TENM3: variants seen among roughly 807,000 people sequenced by gnomAD.
TENM3 encodes teneurin-3.
Under a neutral mutation model 255.1 loss-of-function variants are expected in TENM3, and 63 were observed. The observed-to-expected ratio is 0.25, with a 90% CI of 0.20 to 0.30. The LOEUF is 0.30. Among genes scored for constraint, TENM3 ranks in the 10% least tolerant of loss-of-function variants. The pLI, the probability that TENM3 is intolerant of heterozygous loss-of-function variation, is 1.00. For synonymous variants in TENM3, 1,306 were observed against 1,322.3 expected (o/e 0.99, Z 0.27); for missense variants, 2,929 against 3,461.1 (o/e 0.85, Z 3.86).
chr4:182,347,396 G>T (rs963046027), intron 3 of TENM3, among the ~76,000 whole-genome samples: 1 of 152,136 alleles, frequency 6.6e-6, no homozygotes, highest in Admixed American at 6.5e-5. Context: ...GAGTGAGCAC[G>T]CAGAATAGTT....
At chr4:181,937,081 TAAG>T in the TENM3 span, among the ~76,000 whole-genome samples, 39 of 152,194 alleles carry the variant, frequency 2.6e-4, no homozygotes, top group East Asian at 7.5e-3. Context: ...ATCTGCAGGA[TAAG>T]AAGGAGGTGG....
intron 1 of TENM3, among the ~76,000 whole-genome samples, chr4:182,296,926 C>T (rs1336041907): frequency 1.3e-5 from 2 of 152,036 alleles, no homozygotes; most frequent in African/African-American, 4.8e-5. Context: ...ACATAGATTT[C>T]CATTGATTCG....
intron 3 of TENM3, among the ~76,000 whole-genome samples, chr4:182,583,843 G>A (rs1316082879): frequency 1.3e-5 from 2 of 152,170 alleles, no homozygotes; most frequent in Non-Finnish European, 2.9e-5. Flanking sequence ...TTACTAGGCA[G>A]ATAATGTACA....
intron 1 of TENM3, among the ~76,000 whole-genome samples, chr4:182,277,835 A>T (rs1760106193): frequency 6.6e-6 from 1 of 152,226 alleles, no homozygotes; most frequent in South Asian, 2.1e-4. Context: ...TAAGCACCTG[A>T]GGAAATTTTT....
At chr4:182,121,890 T>C in the TENM3 span, among the ~76,000 whole-genome samples, 160 of 152,344 alleles carry the variant, frequency 1.1e-3, 1 homozygote, top group African/African-American at 3.7e-3. Flanking sequence ...TGCTATTTGA[T>C]AGCATTTTAC....
At chr4:181,536,225 T>C in the TENM3 span, among the ~76,000 whole-genome samples, 2 of 152,226 alleles carry the variant, frequency 1.3e-5, no homozygotes, top group African/African-American at 2.4e-5. Flanking sequence ...TGCCCATTTT[T>C]CCACATTTGG....
At chr4:182,385,288 G>A (rs1201980563) in intron 3 of TENM3, among the ~76,000 whole-genome samples, 4 of 111,876 alleles carry the variant, frequency 3.6e-5, no homozygotes, top group Admixed American at 2.4e-4. Context: ...TTTTTGAGAC[G>A]GCGTCTCGCT....
chr4:182,477,394 C>CT (rs1331802687), intron 3 of TENM3, among the ~76,000 whole-genome samples: 5 of 152,182 alleles, frequency 3.3e-5, no homozygotes, highest in Admixed American at 3.3e-4. Flanking sequence ...CTGCAAGACC[C>CT]TGGCAGCCTT....
chr4:182,303,081 T>C (rs1348791252), intron 1 of TENM3, among the ~76,000 whole-genome samples: 1 of 152,152 alleles, frequency 6.6e-6, no homozygotes, highest in African/African-American at 2.4e-5. Flanking sequence ...GTTATGGGAA[T>C]TGCGGCATTC....
At chr4:181,484,881 T>A in the TENM3 span, among the ~76,000 whole-genome samples, 2 of 152,320 alleles carry the variant, frequency 1.3e-5, no homozygotes, top group South Asian at 4.1e-4. Flanking sequence ...CCTACCTCTG[T>A]TAAATATTGA....
At chr4:181,721,563 G>C in the TENM3 span, among the ~76,000 whole-genome samples, 1 of 22,406 alleles carries the variant, frequency 4.5e-5, no homozygotes, top group African/African-American at 1.2e-4. Context: ...TCGCGCCACT[G>C]CACTCCAGCC....
At chr4:181,575,639 T>A in the TENM3 span, among the ~76,000 whole-genome samples, 1 of 152,214 alleles carries the variant, frequency 6.6e-6, no homozygotes, top group Non-Finnish European at 1.5e-5. Context: ...AAGAGCAAAT[T>A]TTTTTCATAT....
the TENM3 span, chr4:181,523,140 C>A: frequency 2.6e-6 from 1 of 383,164 alleles, no homozygotes; most frequent in East Asian, 5.6e-5. Flanking sequence ...ACTAGTGAAG[C>A]CTGTACTCAA....
the TENM3 span, among the ~76,000 whole-genome samples, chr4:182,122,337 A>C: frequency 6.6e-6 from 1 of 152,196 alleles, no homozygotes; most frequent in Non-Finnish European, 1.5e-5. Context: ...TTTTCAACTG[A>C]CTTTGTCCAG....
chr4:181,911,714 T>C, the TENM3 span, among the ~76,000 whole-genome samples: 63 of 152,216 alleles, frequency 4.1e-4, no homozygotes, highest in African/African-American at 1.4e-3. Context: ...TTGCTGAGTC[T>C]AATATCCTTA....
chr4:182,417,241 G>A (rs1393183589), intron 3 of TENM3, among the ~76,000 whole-genome samples: 1 of 152,066 alleles, frequency 6.6e-6, no homozygotes, highest in African/African-American at 2.4e-5. Flanking sequence ...CTCCCATAGT[G>A]CTGGGATTAC....
chr4:181,467,600 A>G, the TENM3 span, among the ~76,000 whole-genome samples: 2,560 of 152,154 alleles, frequency 0.017, 75 homozygotes, highest in African/African-American at 0.057. Context: ...GTTGCAAAGT[A>G]TATTTCTAGA....
At chr4:182,149,957 T>C (rs1480334532) in intron 1 of TENM3, among the ~76,000 whole-genome samples, 1 of 152,098 alleles carries the variant, frequency 6.6e-6, no homozygotes, top group African/African-American at 2.4e-5. Flanking sequence ...CACACTTGCA[T>C]TTAATGATAT....
chr4:181,687,579 CCAGCCACTTGTTTG>C, the TENM3 span, among the ~76,000 whole-genome samples: 1 of 152,156 alleles, frequency 6.6e-6, no homozygotes, highest in Non-Finnish European at 1.5e-5. Flanking sequence ...GTTGGTGACT[CCAGCCACTTGTTTG>C]CAGCCAGTTG....
Sources: allele counts gnomAD v4.1 joint callset (sites outside exome capture counted in the v4.1 genomes callset), GRCh38; gene constraint gnomAD v4.1.1; transcripts MANE v1.5; gene names NCBI Gene and HGNC (gene_info 2026-07-23, HGNC 2026-07-21).